GRID2: variants seen among roughly 807,000 people sequenced by gnomAD.
The protein encoded by GRID2 is glutamate ionotropic receptor delta type subunit 2, also known as glutamate receptor ionotropic, delta-2.
In GRID2, 33 loss-of-function variants were observed where a neutral mutation model predicts 114.8. That is an observed-to-expected ratio of 0.29 (90% CI 0.22 to 0.38). The LOEUF (loss-of-function observed/expected upper bound fraction) is 0.38. Among genes scored for constraint, GRID2 ranks in the 10% least tolerant of loss-of-function variants. The probability of loss-of-function intolerance (pLI) is 1.00; values close to 1 mark genes in which losing one functional copy is unlikely to be tolerated. For synonymous variants in GRID2, 505 were observed against 449.9 expected (o/e 1.12, Z -1.55); for missense variants, 1,184 against 1,257.7 (o/e 0.94, Z 0.89).
chr4:92,759,960 A>G (rs569468239), intron 2 of GRID2, among the ~76,000 whole-genome samples: 3 of 151,830 alleles, frequency 2.0e-5, no homozygotes, highest in South Asian at 4.2e-4. Flanking sequence ...AATTGGTCAT[A>G]TAAGTTTTGA....
At chr4:92,688,039 T>TC in intron 2 of GRID2, among the ~76,000 whole-genome samples, 1 of 95,116 alleles carries the variant, frequency 1.1e-5, no homozygotes, top group African/African-American at 4.6e-5. Flanking sequence ...TTCTTCTTCT[T>TC]TTTTTTTTTT....
intron 10 of GRID2, among the ~76,000 whole-genome samples, chr4:93,436,848 A>G (rs1721131054): frequency 6.6e-6 from 1 of 152,160 alleles, no homozygotes; most frequent in African/African-American, 2.4e-5. Flanking sequence ...AAAAGGAGAA[A>G]CTAGTAGGCA....
At chr4:92,443,570 T>C (rs2149070382) in intron 1 of GRID2, among the ~76,000 whole-genome samples, 1 of 151,916 alleles carries the variant, frequency 6.6e-6, no homozygotes, top group African/African-American at 2.4e-5. Flanking sequence ...GACGTGGAAA[T>C]AAGTGATTGG....
chr4:93,726,813 T>G (rs1323539547), intron 14 of GRID2, among the ~76,000 whole-genome samples: 1 of 152,176 alleles, frequency 6.6e-6, no homozygotes, highest in African/African-American at 2.4e-5. Context: ...TAAGAATGCT[T>G]GTGATTTTTG....
At chr4:92,779,337 T>A (rs543046784) in intron 2 of GRID2, among the ~76,000 whole-genome samples, 1 of 152,150 alleles carries the variant, frequency 6.6e-6, no homozygotes, top group Admixed American at 6.6e-5. Flanking sequence ...CTTTCATTAC[T>A]GTTCATTTTC....
At chr4:93,058,564 A>G (rs1178153774) in intron 2 of GRID2, among the ~76,000 whole-genome samples, 4 of 151,846 alleles carry the variant, frequency 2.6e-5, no homozygotes, top group Non-Finnish European at 5.9e-5. Context: ...ATTGGTAATC[A>G]GTAAGCTCTC....
At chr4:93,622,039 G>C (rs924161256) in intron 13 of GRID2, among the ~76,000 whole-genome samples, 10 of 152,168 alleles carry the variant, frequency 6.6e-5, no homozygotes, top group Non-Finnish European at 1.3e-4. Context: ...GCTGCCAGGG[G>C]ATCCAGGAGG....
rs1286255276 is a variant in GRID2 at position 92,936,510 on chromosome 4, T to G, written c.245-148485T>G. On this transcript the variant is annotated intron_variant, in intron 2 of 15. Transcript: ENST00000282020. ...AACACATTTCCCATTGTGAAAATTTTTTCATGAAATTATTATCTAGTATTT... is the reference window on the plus strand; with the variant it reads ...AACACATTTCCCATTGTGAAAATTTGTTCATGAAATTATTATCTAGTATTT... 2.0e-5 allele frequency among the ~76,000 whole-genome samples: 3 copies of G among 146,444 alleles called. 1 individual carries two copies. Among genetic ancestry groups the G allele is most frequent in the Non-Finnish European group, 4.5e-5 (3 of 66,214 alleles).
At chr4:93,667,969 A>C (rs1360963655) in intron 14 of GRID2, among the ~76,000 whole-genome samples, 1 of 152,026 alleles carries the variant, frequency 6.6e-6, no homozygotes, top group Non-Finnish European at 1.5e-5. Flanking sequence ...CAAGATTATC[A>C]AATGTAATGA....
intron 2 of GRID2, among the ~76,000 whole-genome samples, chr4:92,837,628 T>C (rs1456158633): frequency 6.6e-6 from 1 of 152,042 alleles, no homozygotes; most frequent in Non-Finnish European, 1.5e-5. Context: ...TGTTCAGAAA[T>C]GGCCAAAGGT....
At chr4:93,330,013 T>C (rs1758262305) in intron 8 of GRID2, among the ~76,000 whole-genome samples, 2 of 152,134 alleles carry the variant, frequency 1.3e-5, no homozygotes, top group African/African-American at 2.4e-5. Flanking sequence ...CCATAAAATA[T>C]TATAAAATTA....
intron 14 of GRID2, among the ~76,000 whole-genome samples, chr4:93,761,759 A>G (rs1382947139): frequency 6.6e-6 from 1 of 152,178 alleles, no homozygotes; most frequent in East Asian, 1.9e-4. Flanking sequence ...CCCTTACACT[A>G]TTTGATATTA....
chr4:93,490,604 T>C (rs1165399325), intron 11 of GRID2, 35 bp from the exon 12 acceptor site: 2 of 1,556,606 alleles, frequency 1.3e-6, no homozygotes, highest in East Asian at 2.3e-5. Context: ...AAATACTAGT[T>C]GATGTTCTTT....
At chr4:93,051,521 T>G (rs1232736080) in intron 2 of GRID2, among the ~76,000 whole-genome samples, 1 of 152,040 alleles carries the variant, frequency 6.6e-6, no homozygotes, top group African/African-American at 2.4e-5. Context: ...GATAGGTCAT[T>G]GTGATTCCCT....
intron 1 of GRID2, among the ~76,000 whole-genome samples, chr4:92,499,882 T>C (rs1199130641): frequency 1.3e-5 from 2 of 152,258 alleles, no homozygotes; most frequent in Non-Finnish European, 2.9e-5. Flanking sequence ...CCCAAAGTGC[T>C]GGGATTACAG....
intron 11 of GRID2, among the ~76,000 whole-genome samples, chr4:93,486,051 A>G (rs1448843252): frequency 6.6e-6 from 1 of 151,688 alleles, no homozygotes; most frequent in Non-Finnish European, 1.5e-5. Context: ...ATAGTTTTAT[A>G]GTTTTTCATG....
chr4:93,019,011 G>T (rs1723028531), intron 2 of GRID2, among the ~76,000 whole-genome samples: 1 of 152,166 alleles, frequency 6.6e-6, no homozygotes, highest in African/African-American at 2.4e-5. Context: ...CAATATGTGA[G>T]TTATCTAGCT....
At chr4:93,777,047 A>C (rs1734383994), downstream of GRID2, among the ~76,000 whole-genome samples, 1 of 152,188 alleles carries the variant, frequency 6.6e-6, no homozygotes, top group Non-Finnish European at 1.5e-5. Flanking sequence ...CCTGTCATCT[A>C]AGACACAGGA....
At chr4:93,316,220 C>T (rs1487520145) in intron 8 of GRID2, among the ~76,000 whole-genome samples, 1 of 150,188 alleles carries the variant, frequency 6.7e-6, no homozygotes, top group Non-Finnish European at 1.5e-5. Context: ...GTAGGTCCAG[C>T]CTGGCTTGTT....
Sources: gnomAD v4.1 joint callset for allele counts (sites outside exome capture counted in the v4.1 genomes callset) on GRCh38, gnomAD v4.1.1 for gene constraint, MANE v1.5 for transcripts, NCBI Gene and HGNC (gene_info 2026-07-23, HGNC 2026-07-21) for gene names.